Variants in BMP5 observed in about 807,000 individuals in gnomAD.
BMP5 encodes the protein bone morphogenetic protein 5.
BMP5 carries 23 observed loss-of-function variants against 46.6 expected under a neutral mutation model. The ratio of observed to expected loss-of-function variants is 0.49; its 90% CI spans 0.35 to 0.70. The LOEUF (loss-of-function observed/expected upper bound fraction) is 0.70. Among genes scored for constraint, BMP5 ranks in the 30% least tolerant of loss-of-function variants. BMP5 has a pLI of 0.00. For missense variants in BMP5, 545 were observed against 565.6 expected (o/e 0.96, Z 0.37); for synonymous variants, 204 against 191.9 (o/e 1.06, Z -0.52).
intron 1 of BMP5, among the ~76,000 whole-genome samples, chr6:55,825,089 C>T (rs898856384): frequency 2.6e-5 from 4 of 151,646 alleles, no homozygotes; most frequent in African/African-American, 4.8e-5. Context: ...TTGCCAACAG[C>T]GCTCTCTAAA....
At chr6:55,848,553 T>A (rs1381728609) in intron 1 of BMP5, among the ~76,000 whole-genome samples, 3 of 152,002 alleles carry the variant, frequency 2.0e-5, no homozygotes, top group Non-Finnish European at 2.9e-5. Flanking sequence ...TGCTGTAACC[T>A]CAGGGTTGAA....
intron 1 of BMP5, among the ~76,000 whole-genome samples, chr6:55,832,686 A>G (rs1476253229): frequency 6.6e-6 from 1 of 152,150 alleles, no homozygotes; most frequent in Admixed American, 6.6e-5. Flanking sequence ...TAACCACATC[A>G]ATGCCTCCTA....
chr6:55,770,151 C>T (rs930616542), intron 4 of BMP5, among the ~76,000 whole-genome samples: 1 of 151,876 alleles, frequency 6.6e-6, no homozygotes, highest in African/African-American at 2.4e-5. Flanking sequence ...GCCATTGACT[C>T]TTCTCTAGCT....
intron 4 of BMP5, among the ~76,000 whole-genome samples, chr6:55,761,550 C>T (rs1390372539): frequency 6.6e-6 from 1 of 152,058 alleles, no homozygotes; most frequent in East Asian, 1.9e-4. Flanking sequence ...CTTGCTGTTT[C>T]ACTCACAGTC....
chr6:55,758,198 G>C (rs1452433076), intron 6 of BMP5, among the ~76,000 whole-genome samples: 1 of 151,778 alleles, frequency 6.6e-6, no homozygotes, highest in Admixed American at 6.6e-5. Context: ...AAATACAAAA[G>C]TTAAAATTTT....
At chr6:55,770,834 G>A (rs1374479550) in intron 4 of BMP5, among the ~76,000 whole-genome samples, 2 of 151,928 alleles carry the variant, frequency 1.3e-5, no homozygotes, top group South Asian at 2.1e-4. Flanking sequence ...AAGGGAAAGA[G>A]ATGGGGTAAT....
At chr6:55,857,671 T>C (rs1389737919) in intron 1 of BMP5, among the ~76,000 whole-genome samples, 1 of 152,208 alleles carries the variant, frequency 6.6e-6, no homozygotes, top group East Asian at 1.9e-4. Flanking sequence ...TACTACTCAA[T>C]TGAAAAATAA....
At position 55,875,050 on chromosome 6, in the gene BMP5, T is replaced by C. The variant is rs1777877728; in HGVS notation, c.-185A>G. ...TTTTCCTGTCCTATTTTAAATATTT[T>C]GGAATATGTCAAGAGTAGTTATTTC... On this transcript the variant is annotated 5_prime_UTR_variant, in exon 1 of 7. Coordinates refer to ENST00000370830, the MANE Select transcript of BMP5 (RefSeq NM_021073.4). 8 of 650,980 alleles carry C rather than the reference T, an allele frequency of 1.2e-5. No individual in the cohort carries two copies. In the East Asian group the frequency reaches 2.3e-4, roughly 19 times the overall value. The allele number at this position is 650,980 out of a possible 1,614,324, so 40.3% of individuals were successfully genotyped here. A position where few individuals can be genotyped will look rare whatever the true frequency, so the allele number is the denominator to read the frequency against.
Position 55,822,411 on chromosome 6 carries a change from TG to T in BMP5, c.491-2565del, listed in dbSNP as rs759210015. Among the ~76,000 whole-genome samples, 171 of 152,294 alleles carry T rather than the reference TG, an allele frequency of 1.1e-3. No homozygotes were observed. In the Middle Eastern group the frequency reaches 0.034, roughly 30 times the overall value. On this transcript the variant is annotated intron_variant, in intron 1 of 6. Transcript: ENST00000370830. ...TTGCTTTGCTGCAGAAATTGTCATG[TG>T]TTGGCCTAGGTGGCACTGTCCCAGA...
chr6:55,772,402 T>C (rs1422539545), intron 4 of BMP5, among the ~76,000 whole-genome samples: 1 of 151,934 alleles, frequency 6.6e-6, no homozygotes, highest in Non-Finnish European at 1.5e-5. Flanking sequence ...TGACTTATAC[T>C]TTTCCCTTTG....
At chr6:55,834,490 A>G (rs1776741598) in intron 1 of BMP5, among the ~76,000 whole-genome samples, 1 of 152,152 alleles carries the variant, frequency 6.6e-6, no homozygotes, top group Non-Finnish European at 1.5e-5. Context: ...GAACTGACTC[A>G]AAGGGAACCT....
intron 2 of BMP5, among the ~76,000 whole-genome samples, chr6:55,802,025 G>C (rs910178027): frequency 1.3e-5 from 2 of 152,152 alleles, no homozygotes; most frequent in Non-Finnish European, 2.9e-5. Flanking sequence ...ATCTAAATCA[G>C]TAACCAATAT....
intron 1 of BMP5, among the ~76,000 whole-genome samples, chr6:55,837,707 G>T (rs1456246528): frequency 6.6e-6 from 1 of 152,058 alleles, no homozygotes; most frequent in Non-Finnish European, 1.5e-5. Context: ...AGTTATTATT[G>T]ACTATAGTCA....
intron 2 of BMP5, among the ~76,000 whole-genome samples, chr6:55,802,275 C>T (rs1349412341): frequency 6.6e-6 from 1 of 152,120 alleles, no homozygotes; most frequent in Non-Finnish European, 1.5e-5. Context: ...GCTACCCGGC[C>T]ACTTCGACTC....
chr6:55,796,634 A>G (rs957401591), intron 2 of BMP5, among the ~76,000 whole-genome samples: 15 of 148,888 alleles, frequency 1.0e-4, no homozygotes, highest in African/African-American at 1.7e-4. Flanking sequence ...ATATCTCCCA[A>G]TGCTATCCCT....
chr6:55,837,447 C>T (rs1776842826), intron 1 of BMP5, among the ~76,000 whole-genome samples: 1 of 152,052 alleles, frequency 6.6e-6, no homozygotes, highest in South Asian at 2.1e-4. Context: ...TATACTTTGG[C>T]TAAATCGGCC....
intron 1 of BMP5, among the ~76,000 whole-genome samples, chr6:55,850,354 G>GTAGATAGA (rs57677270): frequency 0.012 from 990 of 83,210 alleles, 3 homozygotes; most frequent in Non-Finnish European, 0.014. Flanking sequence ...AGGTAAGTAG[G>GTAGATAGA]TAGATAGATA....
intron 3 of BMP5, among the ~76,000 whole-genome samples, chr6:55,775,466 T>A (rs1165211727): frequency 6.6e-6 from 1 of 152,076 alleles, no homozygotes; most frequent in East Asian, 1.9e-4. Context: ...TCAAAGATGA[T>A]ATTTAACCTT....
intron 1 of BMP5, among the ~76,000 whole-genome samples, chr6:55,844,014 T>C (rs934391114): frequency 2.8e-4 from 42 of 152,164 alleles, no homozygotes; most frequent in Admixed American, 1.4e-3. Context: ...TAAAGGTGAA[T>C]GATCTAGGGA....
Sources: allele counts gnomAD v4.1 joint callset (sites outside exome capture counted in the v4.1 genomes callset), GRCh38; gene constraint gnomAD v4.1.1; transcripts MANE v1.5; gene names NCBI Gene and HGNC (gene_info 2026-07-23, HGNC 2026-07-21).